BOD1L1: variants seen among roughly 807,000 people sequenced by gnomAD.
BOD1L1 encodes the protein biorientation of chromosomes in cell division 1 like 1, also known as biorientation of chromosomes in cell division protein 1-like 1.
Under a neutral mutation model 240.7 loss-of-function variants are expected in BOD1L1, and 86 were observed. That is an observed-to-expected ratio of 0.36 (90% CI 0.30 to 0.43). The LOEUF (loss-of-function observed/expected upper bound fraction) is 0.43, where lower values mean the gene tolerates loss of function less well. Among genes scored for constraint, BOD1L1 ranks in the 20% least tolerant of loss-of-function variants. BOD1L1 has a pLI of 1.00. For missense variants in BOD1L1, 3,554 were observed against 3,643.5 expected, an observed-to-expected ratio of 0.98 and a Z score of 0.63; for synonymous variants, 1,268 against 1,272.3, an observed-to-expected ratio of 1.00 and a Z score of 0.07.
At chr4:13,587,573 A>G in intron 16 of BOD1L1, 126 bp downstream of exon 16, 1 of 683,316 alleles carries the variant, frequency 1.5e-6, no homozygotes, top group South Asian at 2.1e-5. Context: ...GAAACAAATT[A>G]GCCTCAAGAC....
At chr4:13,594,765 T>C (rs926908079) in intron 12 of BOD1L1, among the ~76,000 whole-genome samples, 8 of 151,950 alleles carry the variant, frequency 5.3e-5, no homozygotes, top group Non-Finnish European at 1.0e-4. Flanking sequence ...CATGGTGGTG[T>C]GTGCCTGTAA....
At chr4:13,596,136 T>C (rs1191861530) in intron 11 of BOD1L1, among the ~76,000 whole-genome samples, 192 bp from the exon 12 acceptor site, 1 of 152,138 alleles carries the variant, frequency 6.6e-6, no homozygotes, top group Non-Finnish European at 1.5e-5. Flanking sequence ...CAATTTAATC[T>C]CGTATTTCAT....
chr4:13,603,326 T>C lies in BOD1L1; in HGVS notation c.3574A>G (p.Asn1192Asp). 1 of 1,614,052 alleles carries C rather than the reference T, an allele frequency of 6.2e-7. No individual in the cohort carries two copies. The highest frequency in any genetic ancestry group is 8.5e-7 in the Non-Finnish European group (1 of 1,179,902). ...KPGRGTGVNS[N>D]SEKHADHRST... Reference sequence around the variant, plus strand: ...CTATGATCGGCATGCTTTTCAGAATTACTATTAACTCCTGTTCCACGGCCT... The same window carrying C: ...CTATGATCGGCATGCTTTTCAGAATCACTATTAACTCCTGTTCCACGGCCT... The change falls in exon 10 of 26, where the codon AAT becomes GAT. Residue 1192 changes from asparagine (N) to aspartate (D), a missense_variant. By Grantham distance (23) the Asn-to-Asp change is conservative (BLOSUM62 1). This residue lies in a region of BOD1L1 where 3,393 missense variants were observed against 3,427.1 expected (regional missense o/e 0.99). Transcript: ENST00000040738.
intron 12 of BOD1L1, chr4:13,592,717 G>A (rs1003856153): frequency 6.6e-6 from 1 of 152,178 alleles, no homozygotes; most frequent in African/African-American, 2.4e-5. Context: ...AAGTCTTGGT[G>A]TGGTCTTCCA....
At position 13,584,906 on chromosome 4, in the gene BOD1L1, AGAT is replaced by A. The variant is rs538719171; in HGVS notation, c.8433+1487_8433+1489del. Among the ~76,000 whole-genome samples, 710 of 152,338 alleles carry A rather than the reference AGAT, an allele frequency of 4.7e-3. 6 individuals are homozygous for A. Among genetic ancestry groups the A allele is most frequent in the African/African-American group, 0.016 (670 of 41,562 alleles). On this transcript the variant is annotated intron_variant, in intron 17 of 25. Coordinates refer to ENST00000040738, the MANE Select transcript of BOD1L1 (RefSeq NM_148894.3). ...TACTGTCCAAAAATTACTAATATTA[AGAT>A]GATATTAAATAAATGCTATTGCAGA...
At chr4:13,588,236 T>A (rs569935661) in intron 15 of BOD1L1, among the ~76,000 whole-genome samples, 1 of 152,114 alleles carries the variant, frequency 6.6e-6, no homozygotes, top group South Asian at 2.1e-4. Context: ...ATATTTAGAT[T>A]TGGATTAGAC....
intron 12 of BOD1L1, 84 bp downstream of exon 12, chr4:13,595,776 C>T: frequency 3.0e-6 from 3 of 997,724 alleles, no homozygotes; most frequent in Non-Finnish European, 4.7e-6. Flanking sequence ...TGTTACTATG[C>T]ATCAGCTATT....
rs149365054 is a variant in BOD1L1, at chr4:13,601,322, C to T, written c.5578G>A (p.Ala1860Thr). The change falls in exon 10 of 26, where the codon GCA (alanine) becomes ACA (threonine). Residue 1860 changes from alanine (A) to threonine (T), a missense_variant. Transcript: ENST00000040738. Reference sequence around the variant, plus strand: ...TCCCCTTCCTCGTCTTCCTCTTTTGCGCCTGTGCTAGTCACAATGCCTTCA... The same window carrying T: ...TCCCCTTCCTCGTCTTCCTCTTTTGTGCCTGTGCTAGTCACAATGCCTTCA... Reference protein sequence around the residue: ...DDEGIVTSTGAKEEDEEGEDV... With the variant: ...DDEGIVTSTGTKEEDEEGEDV... The T allele has an allele frequency of 8.7e-5, 141 of 1,613,902 alleles. No homozygotes were observed. Among genetic ancestry groups the T allele is most frequent in the Non-Finnish European group, 1.1e-4 (132 of 1,179,904 alleles).
At position 13,615,584 on chromosome 4, in the gene BOD1L1, C is replaced by T. The variant is rs746075060; in HGVS notation, c.369-82G>A. The T allele has an allele frequency of 9.0e-5, 114 of 1,264,834 alleles. No individual in the cohort carries two copies. In the Middle Eastern group the frequency reaches 1.4e-3, roughly 15 times the overall value. The allele number at this position is 1,264,834 out of a possible 1,614,324, so 78.4% of individuals were successfully genotyped here. On this transcript the variant is annotated intron_variant, in intron 2 of 25. Transcript: ENST00000040738. ...TTACTTTAAAATAACACTCTACAAT[C>T]TGTCATCTATCTATCCATCCATCCA...
In BOD1L1 at chr4:13,613,896, T is replaced by C. The variant is rs530576689; in HGVS notation, c.1175-235A>G. Among the ~76,000 whole-genome samples the C allele has an allele frequency of 6.6e-6, 1 of 152,160 alleles. No individual in the cohort carries two copies. Among genetic ancestry groups the C allele is most frequent in the Non-Finnish European group, 1.5e-5 (1 of 68,028 alleles). On this transcript the variant is annotated intron_variant, in intron 4 of 25. Coordinates refer to ENST00000040738, the MANE Select transcript of BOD1L1 (RefSeq NM_148894.3). The surrounding 1 kb of genome is among the most constrained non-coding windows in gnomAD (Gnocchi z 4.0). ...TAAAATGAATTTTAAGTAACTGAAGTATTTACTACCTAATAAAAATTAGGA... is the reference window on the plus strand; with the variant it reads ...TAAAATGAATTTTAAGTAACTGAAGCATTTACTACCTAATAAAAATTAGGA...
chr4:13,615,220 T>TA, intron 3 of BOD1L1, 92 bp downstream of exon 3: 1 of 1,289,798 alleles, frequency 7.8e-7, no homozygotes, highest in Non-Finnish European at 1.1e-6. Context: ...ATAGCCAAAT[T>TA]AAAAAATGTG....
At position 13,607,122 on chromosome 4, in the gene BOD1L1, T is replaced by G. The variant is rs781330319; in HGVS notation, c.1810A>C (p.Ser604Arg). ...GAGGTTTTATTAAGGCATACCTCAC[T>G]TGTTTTAAGGGTTTCTTTGGAATCT... ...EEDSKETLKT[S>R]EHCEKEKISS... The change falls in exon 9 of 26, where the codon AGT becomes CGT. Residue 604 changes from serine (S) to arginine (R), a missense_variant. Around this residue, in one of 2 missense-constraint regions of BOD1L1, gnomAD observed 3,393 missense variants for 3,427.1 expected, o/e 0.99. Coordinates refer to ENST00000040738, the MANE Select transcript of BOD1L1 (RefSeq NM_148894.3). The G allele has an allele frequency of 5.8e-6, 9 of 1,559,338 alleles. No homozygotes were observed. The highest frequency in any genetic ancestry group is 7.8e-6 in the Non-Finnish European group (9 of 1,150,802).
rs930511857 is a variant in BOD1L1 at position 13,613,429 on chromosome 4, T to A, written c.1324+83A>T. 2 of 1,298,978 alleles carry A rather than the reference T, an allele frequency of 1.5e-6. No individual in the cohort carries two copies. The highest frequency in any genetic ancestry group is 2.1e-5 in the Admixed American group (1 of 47,430). 80.5% of individuals were successfully genotyped at this position (1,298,978 alleles called of 1,614,324 possible). A position where few individuals can be genotyped will look rare whatever the true frequency, so the allele number is the denominator to read the frequency against. ...CCATGCTCTTGCTACTATACCACAC[T>A]GTTTCTCAGGATATAGCCATCAGAA... is the stretch of plus-strand genomic sequence containing the variant. On this transcript the variant is annotated intron_variant, in intron 5 of 25. Coordinates refer to ENST00000040738, the MANE Select transcript of BOD1L1 (RefSeq NM_148894.3). The surrounding 1 kb of genome is among the most constrained non-coding windows in gnomAD (Gnocchi z 4.0).
intron 14 of BOD1L1, among the ~76,000 whole-genome samples, chr4:13,589,993 C>T (rs896754670): frequency 6.6e-6 from 1 of 152,154 alleles, no homozygotes; most frequent in African/African-American, 2.4e-5. Context: ...GGGAGAAGAC[C>T]CACATAAATG....
intron 6 of BOD1L1, 26 bp from the exon 7 acceptor site, chr4:13,609,432 A>T (rs1715984795): frequency 2.2e-6 from 3 of 1,389,180 alleles, no homozygotes; most frequent in Non-Finnish European, 2.9e-6. Context: ...ACCCTAACAG[A>T]TTATTAGGCA....
Position 13,601,070 on chromosome 4 carries a change from T to C in BOD1L1, c.5830A>G (p.Thr1944Ala), listed in dbSNP as rs760322421. 1 of 1,613,974 alleles carries C rather than the reference T, an allele frequency of 6.2e-7. No individual in the cohort carries two copies. Among genetic ancestry groups the C allele is most frequent in the Admixed American group, 1.7e-5 (1 of 60,028 alleles). The change falls in exon 10 of 26, where the codon ACA (threonine) becomes GCA (alanine). Residue 1944 changes from threonine (T) to alanine (A), a missense_variant. By Grantham distance (58) the Thr-to-Ala change is moderately conservative (BLOSUM62 0). Transcript: ENST00000040738. ...CCTTTTGCACTGGAGCAGATATCTG[T>C]GTCTTTACTTCCTTTCTCTGTGCCA... ...MSGTEKGSKD[T>A]DICSSAKGIV...
At chr4:13,578,661 T>C (rs1458561858) in intron 22 of BOD1L1, among the ~76,000 whole-genome samples, 3 of 151,962 alleles carry the variant, frequency 2.0e-5, no homozygotes, top group African/African-American at 7.3e-5. Flanking sequence ...GATTCTCCTG[T>C]GGAGGCCTCT....
intron 2 of BOD1L1, among the ~76,000 whole-genome samples, chr4:13,616,792 G>A (rs978646882): frequency 2.6e-5 from 4 of 152,096 alleles, no homozygotes; most frequent in Admixed American, 2.6e-4. Flanking sequence ...AGAGAAAAAT[G>A]AGCCAACTCA....
At chr4:13,582,757 A>G in intron 17 of BOD1L1, 21 bp from the exon 18 acceptor site, 1 of 1,519,296 alleles carries the variant, frequency 6.6e-7, no homozygotes, top group Non-Finnish European at 9.1e-7. Context: ...GTTGAAAAAG[A>G]CTAGAACCTT....
Sources: allele counts gnomAD v4.1 joint callset (sites outside exome capture counted in the v4.1 genomes callset), GRCh38; gene constraint gnomAD v4.1.1; regional missense constraint gnomAD v4.1.1; non-coding constraint Gnocchi (gnomAD v3.1); transcripts MANE v1.5; gene names NCBI Gene and HGNC (gene_info 2026-07-23, HGNC 2026-07-21).